CDH13: variants seen among roughly 807,000 people sequenced by gnomAD.
The protein encoded by CDH13 is cadherin 13.
CDH13 carries 24 observed loss-of-function variants against 63.8 expected under a neutral mutation model. The ratio of observed to expected loss-of-function variants is 0.38; its 90% CI spans 0.27 to 0.53. The LOEUF is 0.53. Among genes scored for constraint, CDH13 ranks in the 20% least tolerant of loss-of-function variants. The pLI is 0.85. For synonymous variants in CDH13, 503 were observed against 355.3 expected (o/e 1.42, Z -4.67); for missense variants, 1,049 against 903.1 (o/e 1.16, Z -2.07).
At chr16:83,128,286 G>T (rs1195664561) in intron 4 of CDH13, among the ~76,000 whole-genome samples, 5 of 152,200 alleles carry the variant, frequency 3.3e-5, no homozygotes, top group Non-Finnish European at 1.5e-5. Context: ...TCCTCCAAGA[G>T]TGGTTGTGGA....
chr16:83,715,122 C>T (rs1011673452), intron 10 of CDH13, among the ~76,000 whole-genome samples: 1 of 152,166 alleles, frequency 6.6e-6, no homozygotes, highest in Non-Finnish European at 1.5e-5. Context: ...AATACCCCCA[C>T]CTTATTCCAC....
chr16:83,725,133 G>A (rs1004162964), intron 10 of CDH13, among the ~76,000 whole-genome samples: 29 of 152,174 alleles, frequency 1.9e-4, no homozygotes, highest in African/African-American at 6.3e-4. Flanking sequence ...TATAACAGCA[G>A]CAGAGAGAAA....
chr16:83,492,374 T>C (rs2074033777), intron 7 of CDH13, among the ~76,000 whole-genome samples: 1 of 152,228 alleles, frequency 6.6e-6, no homozygotes, highest in Admixed American at 6.5e-5. Context: ...TCAATCATGC[T>C]GTCAGGAATA....
chr16:83,408,986 C>A (rs1020107011), intron 6 of CDH13, among the ~76,000 whole-genome samples: 2 of 152,044 alleles, frequency 1.3e-5, no homozygotes, highest in African/African-American at 2.4e-5. Context: ...TTTTCAGTGA[C>A]GTGGCTGAAT....
intron 6 of CDH13, among the ~76,000 whole-genome samples, chr16:83,484,407 C>G (rs993141528): frequency 6.6e-5 from 10 of 152,168 alleles, no homozygotes; most frequent in Non-Finnish European, 1.2e-4. Context: ...GAAGATGGGC[C>G]TTATATTTGT....
At chr16:83,477,389 A>G (rs749360985) in intron 6 of CDH13, among the ~76,000 whole-genome samples, 1 of 152,234 alleles carries the variant, frequency 6.6e-6, no homozygotes, top group Non-Finnish European at 1.5e-5. Context: ...TTTCAGCTGC[A>G]TGGAGACACT....
chr16:83,154,338 C>T (rs2037117042), intron 4 of CDH13, among the ~76,000 whole-genome samples: 1 of 152,000 alleles, frequency 6.6e-6, no homozygotes, highest in African/African-American at 2.4e-5. Flanking sequence ...TGGGGGTTCA[C>T]AAGGTCAGGA....
chr16:83,691,232 T>C (rs1904846318), intron 10 of CDH13, among the ~76,000 whole-genome samples: 6 of 152,116 alleles, frequency 3.9e-5, no homozygotes, highest in Admixed American at 3.9e-4. Context: ...AGTGGCAAAG[T>C]AACTTGTGGG....
intron 5 of CDH13, among the ~76,000 whole-genome samples, chr16:83,246,460 G>C (rs1905004111): frequency 6.6e-6 from 1 of 152,108 alleles, no homozygotes; most frequent in African/African-American, 2.4e-5. Flanking sequence ...TGTACTCCGA[G>C]AGATTCACTA....
chr16:83,307,232 G>A (rs1426310436), intron 5 of CDH13, among the ~76,000 whole-genome samples: 2 of 152,166 alleles, frequency 1.3e-5, no homozygotes, highest in African/African-American at 4.8e-5. Flanking sequence ...CTCTGTGGGT[G>A]ATTGTGGCGA....
At chr16:83,424,355 G>T (rs1466189758) in intron 6 of CDH13, among the ~76,000 whole-genome samples, 1 of 152,254 alleles carries the variant, frequency 6.6e-6, no homozygotes, top group Non-Finnish European at 1.5e-5. Flanking sequence ...TAGTCACGTG[G>T]TTAGCATTGG....
intron 13 of CDH13, among the ~76,000 whole-genome samples, chr16:83,791,105 G>C (rs547988212): frequency 6.6e-6 from 1 of 151,638 alleles, no homozygotes; most frequent in African/African-American, 2.4e-5. Context: ...ATTGGATAAG[G>C]CTGGGAGTTT....
chr16:82,716,489 C>T (rs2032380714), intron 1 of CDH13, among the ~76,000 whole-genome samples: 1 of 150,994 alleles, frequency 6.6e-6, no homozygotes, highest in Admixed American at 6.6e-5. Context: ...AAGGGAGCCA[C>T]AAAAAATTAT....
intron 7 of CDH13, among the ~76,000 whole-genome samples, chr16:83,591,556 T>A (rs1323661441): frequency 6.6e-6 from 1 of 152,170 alleles, no homozygotes; most frequent in Non-Finnish European, 1.5e-5. Context: ...AAACCTTGAC[T>A]CCAGGCACGC....
At chr16:82,720,174 C>T (rs933419509) in intron 1 of CDH13, among the ~76,000 whole-genome samples, 1 of 151,832 alleles carries the variant, frequency 6.6e-6, no homozygotes, top group Admixed American at 6.6e-5. Context: ...TGACGGTGGT[C>T]GTAGTGGTGG....
intron 4 of CDH13, among the ~76,000 whole-genome samples, chr16:83,213,094 C>G (rs549091886): frequency 5.9e-5 from 9 of 152,292 alleles, no homozygotes; most frequent in Admixed American, 5.2e-4. Flanking sequence ...TGAAGAGAGA[C>G]AGAAGAGAGA....
chr16:83,708,235 GCTCCTCTCAAATA>G (rs1907439208), intron 10 of CDH13, among the ~76,000 whole-genome samples: 1 of 152,208 alleles, frequency 6.6e-6, no homozygotes, highest in African/African-American at 2.4e-5. Context: ...TGCAGCACAA[GCTCCTCTCAAATA>G]CTTCCCAGGA....
intron 4 of CDH13, among the ~76,000 whole-genome samples, chr16:83,199,890 G>A (rs563326325): frequency 2.0e-5 from 3 of 152,234 alleles, no homozygotes; most frequent in South Asian, 4.1e-4. Context: ...TAGAGCCAGC[G>A]TACAAACTGA....
At chr16:83,609,239 AT>A (rs35023469) in intron 8 of CDH13, among the ~76,000 whole-genome samples, 15 of 150,010 alleles carry the variant, frequency 1.0e-4, no homozygotes, top group Admixed American at 2.7e-4. Flanking sequence ...ACATTATGAG[AT>A]TTTTTTTTTA....
Sources: allele counts gnomAD v4.1 joint callset (sites outside exome capture counted in the v4.1 genomes callset), GRCh38; gene constraint gnomAD v4.1.1; transcripts MANE v1.5; gene names NCBI Gene and HGNC (gene_info 2026-07-23, HGNC 2026-07-21).